The following LRP8 variants were observed in gnomAD, a reference collection of about 807,000 sequenced individuals.
LRP8 encodes the protein LDL receptor related protein 8.
Under a neutral mutation model 111.6 loss-of-function variants are expected in LRP8, and 46 were observed. That is an observed-to-expected ratio of 0.41 (90% CI 0.33 to 0.53). The LOEUF (loss-of-function observed/expected upper bound fraction) is 0.53. Ranked by LOEUF, LRP8 falls within the 20% of genes least tolerant of loss-of-function variation. The pLI is 0.20. For synonymous variants in LRP8, 464 were observed against 511.2 expected (o/e 0.91, Z 1.24); for missense variants, 959 against 1,297.4 (o/e 0.74, Z 4.01).
intron 2 of LRP8, among the ~76,000 whole-genome samples, chr1:53,319,254 G>T (rs1171809226): frequency 2.0e-5 from 3 of 152,206 alleles, no homozygotes; most frequent in Non-Finnish European, 1.5e-5. Flanking sequence ...CCTCCAGAGT[G>T]GCTGGGATGA....
At position 53,262,048 on chromosome 1, in the gene LRP8, C is replaced by T; in HGVS notation, c.1914+20G>A. On this transcript the variant is annotated intron_variant, in intron 12 of 18. Transcript: ENST00000306052. The surrounding 1 kb of genome is among the most constrained non-coding windows in gnomAD (Gnocchi z 4.8). ...GCTTCAGCTTCCTAGTGGGCCCTTG[C>T]CTCTCCTTACAGGACTCACCTCAAA... 1.2e-6 allele frequency: 2 copies of T among 1,612,574 alleles called. No individual in the cohort carries two copies. The highest frequency in any genetic ancestry group is 2.2e-5 in the East Asian group (1 of 44,846).
chr1:53,306,725 C>A (rs1237289052), intron 2 of LRP8, among the ~76,000 whole-genome samples: 2 of 152,178 alleles, frequency 1.3e-5, no homozygotes, highest in Non-Finnish European at 2.9e-5. Flanking sequence ...GGGAGGGCAC[C>A]TGCCTCTGTC....
Position 53,289,589 on chromosome 1 carries a change from G to T in LRP8, c.345C>A (p.Ser115=). 2 of 1,607,194 alleles carry T rather than the reference G, an allele frequency of 1.2e-6. No individual in the cohort carries two copies. The highest frequency in any genetic ancestry group is 2.2e-5 in the East Asian group (1 of 44,548). Reference sequence around the variant, plus strand: ...CACTGCAAGTGGCCTCGGACTCATCGGAGCCATCAGGACACTCCTCCTCGC... The same window carrying T: ...CACTGCAAGTGGCCTCGGACTCATCTGAGCCATCAGGACACTCCTCCTCGC... ...CDGEEECPDG[S]DESEATCTKQ... Residue 115 remains serine, a synonymous_variant, in exon 3 of 19, where the codon TCC becomes TCA. Coordinates refer to ENST00000306052, the MANE Select transcript of LRP8 (RefSeq NM_004631.5).
At chr1:53,327,521 G>A in intron 1 of LRP8, 1 of 369,854 alleles carries the variant, frequency 2.7e-6, no homozygotes, top group Non-Finnish European at 4.7e-6. Flanking sequence ...ATGAATGGCC[G>A]CCCCTCCGGC....
chr1:53,309,149 C>T (rs57295534), intron 2 of LRP8, among the ~76,000 whole-genome samples: 1,629 of 152,270 alleles, frequency 0.011, 35 homozygotes, highest in African/African-American at 0.037. Flanking sequence ...GTCGCAGGCG[C>T]CTGTAATGCC....
At chr1:53,307,528 C>T (rs748340374) in intron 2 of LRP8, 12 of 152,406 alleles carry the variant, frequency 7.9e-5, no homozygotes, top group Middle Eastern at 3.4e-3. Flanking sequence ...GATGGGCACC[C>T]GTGCATACAG....
intron 2 of LRP8, among the ~76,000 whole-genome samples, chr1:53,310,682 T>C (rs986282426): frequency 6.6e-6 from 1 of 152,152 alleles, no homozygotes; most frequent in African/African-American, 2.4e-5. Flanking sequence ...CTGGGAGCCA[T>C]GGAGCCTCTC....
intron 10 of LRP8, 63 bp downstream of exon 10, chr1:53,264,106 G>A (rs893203685): frequency 6.7e-7 from 1 of 1,499,028 alleles, no homozygotes; most frequent in Non-Finnish European, 9.2e-7. Flanking sequence ...TAGCCCTTGT[G>A]ACAGACACAA....
intron 2 of LRP8, among the ~76,000 whole-genome samples, chr1:53,298,082 G>A (rs886356096): frequency 3.3e-5 from 5 of 152,160 alleles, no homozygotes; most frequent in Non-Finnish European, 7.3e-5. Flanking sequence ...GGATCTTGGT[G>A]CTGTTCCAAG....
chr1:53,285,633 AAC>A (rs1266837534), intron 3 of LRP8, among the ~76,000 whole-genome samples: 1 of 152,170 alleles, frequency 6.6e-6, no homozygotes, highest in Non-Finnish European at 1.5e-5. Flanking sequence ...GAGCTCAGAA[AAC>A]ACTTGCCCTT....
intron 2 of LRP8, among the ~76,000 whole-genome samples, chr1:53,308,371 C>T (rs898766220): frequency 6.6e-6 from 1 of 152,222 alleles, no homozygotes; most frequent in Non-Finnish European, 1.5e-5. Context: ...GGGAGCCCCA[C>T]CTTATTCTCT....
intron 16 of LRP8, among the ~76,000 whole-genome samples, chr1:53,252,465 G>A (rs1645928708): frequency 6.6e-6 from 1 of 152,174 alleles, no homozygotes; most frequent in Admixed American, 6.5e-5. Flanking sequence ...GAGCCCAGGA[G>A]TTCGAGGATG....
Position 53,316,748 on chromosome 1 carries a change from G to A in LRP8, c.244+10125C>T, listed in dbSNP as rs1204381111. On this transcript the variant is annotated intron_variant, in intron 2 of 18. Coordinates refer to ENST00000306052, the MANE Select transcript of LRP8 (RefSeq NM_004631.5). The stretch of plus-strand genomic sequence containing the variant: ...AAGAGGGGCAAGCATCTGCCAAATG[G>A]CCACTCGGCAAGGTGGGAGCAGAGG... Among the ~76,000 whole-genome samples the A allele has an allele frequency of 2.0e-5, 3 of 152,376 alleles. No individual in the cohort carries two copies. The South Asian group carries it at 6.2e-4, about 32-fold the overall frequency.
intron 10 of LRP8, among the ~76,000 whole-genome samples, chr1:53,263,396 G>C (rs560894733): frequency 3.5e-4 from 54 of 152,320 alleles, no homozygotes; most frequent in African/African-American, 7.9e-4. Flanking sequence ...TCTTATCCCT[G>C]TTTAACAAGG....
rs1384204740 is a variant in LRP8 at position 53,276,937 on chromosome 1, C to T, written c.638G>A (p.Cys213Tyr). The T allele has an allele frequency of 6.9e-7, 1 of 1,458,440 alleles. No homozygotes were observed. Among genetic ancestry groups the T allele is most frequent in the Non-Finnish European group, 9.0e-7 (1 of 1,108,356 alleles). The allele number at this position is 1,458,440 out of a possible 1,614,324, so 90.3% of individuals were successfully genotyped here. A position where few individuals can be genotyped will look rare whatever the true frequency, so the allele number is the denominator to read the frequency against. ...DPACGPREFRCGGDGGGACIP... is the reference protein window; with the variant it reads ...DPACGPREFRYGGDGGGACIP... The stretch of plus-strand genomic sequence containing the variant: ...GCAGGCGCCGCCGCCATCGCCGCCG[C>T]AGCGGAACTCGCGGGGCCCGCAGGC... The change falls in exon 5 of 19, where the codon TGC becomes TAC. Residue 213 changes from cysteine (C) to tyrosine (Y), a missense_variant. By Grantham distance (194) the Cys-to-Tyr change is radical (BLOSUM62 -2). Transcript: ENST00000306052.
chr1:53,281,228 C>G (rs563207730), intron 3 of LRP8, among the ~76,000 whole-genome samples: 1 of 152,222 alleles, frequency 6.6e-6, no homozygotes, highest in African/African-American at 2.4e-5. Context: ...GCCCCCTCCC[C>G]GAGTGATGGT....
intron 4 of LRP8, among the ~76,000 whole-genome samples, chr1:53,278,289 C>G (rs932227865): frequency 3.9e-5 from 6 of 152,196 alleles, no homozygotes; most frequent in African/African-American, 1.4e-4. Context: ...TCACTTCCCT[C>G]CCTCCTGTGC....
chr1:53,269,308 T>TTTA (rs982207046), intron 8 of LRP8, among the ~76,000 whole-genome samples: 1 of 151,740 alleles, frequency 6.6e-6, no homozygotes, highest in African/African-American at 2.4e-5. Flanking sequence ...TCCCTTTTTA[T>TTTA]TTATTATTAT....
chr1:53,321,775 GGGA>G (rs1654552798), intron 2 of LRP8, among the ~76,000 whole-genome samples: 1 of 152,078 alleles, frequency 6.6e-6, no homozygotes, highest in South Asian at 2.1e-4. Context: ...AGTGCCATGG[GGGA>G]TGCAGGCCCT....
Sources: allele counts gnomAD v4.1 joint callset (sites outside exome capture counted in the v4.1 genomes callset), GRCh38; gene constraint gnomAD v4.1.1; non-coding constraint Gnocchi (gnomAD v3.1); transcripts MANE v1.5; gene names NCBI Gene and HGNC (gene_info 2026-07-23, HGNC 2026-07-21).